Variants in GMPR observed in about 807,000 individuals in gnomAD.
The protein encoded by GMPR is GMP reductase 1.
Under a neutral mutation model 38.4 loss-of-function variants are expected in GMPR, and 31 were observed. The ratio of observed to expected loss-of-function variants is 0.81; its 90% CI spans 0.61 to 1.09. The LOEUF is 1.09. GMPR is among the 50% of genes least tolerant of loss of function. GMPR has a pLI of 0.00. For synonymous variants in GMPR, 162 were observed against 173.3 expected, an observed-to-expected ratio of 0.93 and a Z score of 0.51; for missense variants, 468 against 453.7, an observed-to-expected ratio of 1.03 and a Z score of -0.29.
intron 4 of GMPR, among the ~76,000 whole-genome samples, chr6:16,272,972 G>C (rs530232447): frequency 3.3e-5 from 5 of 152,206 alleles, no homozygotes; most frequent in African/African-American, 1.2e-4. Flanking sequence ...CAAGTTTTTA[G>C]TTTTTATGTA....
chr6:16,267,106 G>A (rs991243034), intron 4 of GMPR, among the ~76,000 whole-genome samples: 1 of 152,088 alleles, frequency 6.6e-6, no homozygotes. Context: ...GCTCACGCCT[G>A]TAATCCCGGC....
At chr6:16,260,638 G>A (rs780721911) in intron 4 of GMPR, among the ~76,000 whole-genome samples, 35 of 152,118 alleles carry the variant, frequency 2.3e-4, no homozygotes, top group Non-Finnish European at 3.2e-4. Flanking sequence ...AGATTTCTAC[G>A]ATGGAAAGAA....
intron 4 of GMPR, among the ~76,000 whole-genome samples, chr6:16,268,248 A>G (rs919919952): frequency 6.6e-6 from 1 of 152,060 alleles, no homozygotes; most frequent in Non-Finnish European, 1.5e-5. Context: ...GATAGCAACT[A>G]TTTTTCCATG....
At chr6:16,291,558 A>T (rs1357800555) in intron 8 of GMPR, among the ~76,000 whole-genome samples, 3 of 152,008 alleles carry the variant, frequency 2.0e-5, no homozygotes, top group African/African-American at 7.3e-5. Flanking sequence ...GTCTCCAAAG[A>T]CACCTGGGTC....
chr6:16,250,600 A>T (rs1485024732), intron 3 of GMPR, among the ~76,000 whole-genome samples: 1 of 152,226 alleles, frequency 6.6e-6, no homozygotes, highest in Non-Finnish European at 1.5e-5. Flanking sequence ...GAAGTGTGTT[A>T]TATCCCAAGA....
chr6:16,293,997 G>T (rs1410209804), intron 8 of GMPR, among the ~76,000 whole-genome samples: 3 of 152,054 alleles, frequency 2.0e-5, no homozygotes, highest in Admixed American at 6.6e-5. Flanking sequence ...ACATGTGTCT[G>T]GACCACATCC....
chr6:16,267,441 C>G (rs1237230078), intron 4 of GMPR, among the ~76,000 whole-genome samples: 1 of 152,038 alleles, frequency 6.6e-6, no homozygotes, highest in East Asian at 1.9e-4. Context: ...AGACCACGAA[C>G]CGTCCGGGAG....
intron 4 of GMPR, among the ~76,000 whole-genome samples, chr6:16,263,604 A>G (rs945749595): frequency 2.0e-5 from 3 of 151,112 alleles, no homozygotes; most frequent in African/African-American, 7.3e-5. Context: ...CAGAGATAAG[A>G]GGTCGGGTTG....
At chr6:16,281,774 C>T (rs1759579130) in intron 6 of GMPR, among the ~76,000 whole-genome samples, 1 of 152,190 alleles carries the variant, frequency 6.6e-6, no homozygotes, top group African/African-American at 2.4e-5. Flanking sequence ...TCCCAAAGTG[C>T]TGGGATTACA....
At position 16,295,217 on chromosome 6, in the gene GMPR, T is replaced by C; in HGVS notation, c.*31T>C. ...GGGACAAAGCAGCGTCTGGCTCGAG[T>C]GGAAGCGTCCAAACCTGCTTTTCCC... On this transcript the variant is annotated 3_prime_UTR_variant, in exon 9 of 9. Transcript: ENST00000259727. 1 of 1,469,424 alleles carries C rather than the reference T, an allele frequency of 6.8e-7. No homozygotes were observed. The highest frequency in any genetic ancestry group is 9.0e-7 in the Non-Finnish European group (1 of 1,110,762). The allele number at this position is 1,469,424 out of a possible 1,614,324, so 91.0% of individuals were successfully genotyped here. A position where few individuals can be genotyped will look rare whatever the true frequency, so the allele number is the denominator to read the frequency against.
At chr6:16,288,218 C>T (rs959350144) in intron 7 of GMPR, among the ~76,000 whole-genome samples, 6 of 152,350 alleles carry the variant, frequency 3.9e-5, no homozygotes, top group Non-Finnish European at 5.9e-5. Flanking sequence ...TGGCCAAGGC[C>T]GGAGCCGGCT....
intron 6 of GMPR, among the ~76,000 whole-genome samples, chr6:16,283,844 T>C (rs1362876821): frequency 1.3e-5 from 2 of 152,236 alleles, no homozygotes; most frequent in African/African-American, 2.4e-5. Flanking sequence ...TTAATGTGTT[T>C]GAGGCCAGAA....
intron 6 of GMPR, among the ~76,000 whole-genome samples, chr6:16,281,005 TG>T (rs1478915399): frequency 6.6e-6 from 1 of 152,106 alleles, no homozygotes; most frequent in Non-Finnish European, 1.5e-5. Context: ...GTAGGCAGGG[TG>T]GGGTGGAGGC....
At chr6:16,243,294 G>A (rs1758685946) in intron 1 of GMPR, among the ~76,000 whole-genome samples, 1 of 152,176 alleles carries the variant, frequency 6.6e-6, no homozygotes. Context: ...ATTCTGATGT[G>A]TACCCGGGTG....
At chr6:16,288,451 C>T (rs192963494) in intron 7 of GMPR, among the ~76,000 whole-genome samples, 17 of 152,304 alleles carry the variant, frequency 1.1e-4, no homozygotes, top group South Asian at 6.2e-4. Context: ...AGCCCACTGG[C>T]GCTGCGCTGG....
intron 4 of GMPR, among the ~76,000 whole-genome samples, chr6:16,259,713 G>A (rs1417978997): frequency 6.6e-6 from 1 of 152,048 alleles, no homozygotes; most frequent in Non-Finnish European, 1.5e-5. Context: ...AAACTAAACG[G>A]AATAAGAGAA....
At chr6:16,272,690 G>A (rs909399041) in intron 4 of GMPR, among the ~76,000 whole-genome samples, 3 of 152,178 alleles carry the variant, frequency 2.0e-5, no homozygotes, top group African/African-American at 4.8e-5. Context: ...AGGTATTAGC[G>A]TTTTTCTTAT....
intron 4 of GMPR, among the ~76,000 whole-genome samples, chr6:16,257,636 G>A (rs1357069285): frequency 6.6e-6 from 1 of 152,154 alleles, no homozygotes; most frequent in Admixed American, 6.6e-5. Flanking sequence ...ACTGACTGGT[G>A]TATAAACAAC....
At chr6:16,258,642 T>C (rs975991502) in intron 4 of GMPR, among the ~76,000 whole-genome samples, 6 of 152,242 alleles carry the variant, frequency 3.9e-5, no homozygotes, top group African/African-American at 1.4e-4. Context: ...CAGGAGACTT[T>C]GGCAAGGTAG....
Sources: allele counts gnomAD v4.1 joint callset (sites outside exome capture counted in the v4.1 genomes callset), GRCh38; gene constraint gnomAD v4.1.1; transcripts MANE v1.5; gene names NCBI Gene and HGNC (gene_info 2026-07-23, HGNC 2026-07-21).